The following F11R variants were observed in gnomAD, a reference collection of about 807,000 sequenced individuals.
F11R encodes F11 receptor.
A neutral mutation model predicts 39.3 loss-of-function variants in F11R; 27 were observed. The ratio of observed to expected loss-of-function variants is 0.69; its 90% confidence interval spans 0.51 to 0.95. The LOEUF (loss-of-function observed/expected upper bound fraction) is 0.95, where lower values mean the gene tolerates loss of function less well. F11R is among the 40% of genes least tolerant of loss of function. The pLI is 0.00. For missense variants in F11R, 335 were observed against 372.7 expected, an observed-to-expected ratio of 0.90 and a Z score of 0.83; for synonymous variants, 131 against 144.9, an observed-to-expected ratio of 0.90 and a Z score of 0.69.
In F11R at chr1:160,995,479, T is replaced by A. The variant is rs570396543; in HGVS notation, c.*3392A>T. On this transcript the variant is annotated 3_prime_UTR_variant, in exon 10 of 10. Coordinates refer to ENST00000368026, the MANE Select transcript of F11R (RefSeq NM_016946.6). The stretch of plus-strand genomic sequence containing the variant: ...GAACATGGGAGGTGATGTGGCCGGG[T>A]GCAGTGACTCACGCCTGTAATCCCA... The A allele has an allele frequency of 6.6e-6, 1 of 152,186 alleles. No homozygotes were observed. Among genetic ancestry groups the A allele is most frequent in the East Asian group, 1.9e-4 (1 of 5,214 alleles). 9.4% of individuals were successfully genotyped at this position (152,186 alleles called of 1,614,324 possible).
At chr1:161,000,418 A>G (rs1648413294) in intron 4 of F11R, 70 bp from the exon 5 acceptor site, 2 of 1,515,950 alleles carry the variant, frequency 1.3e-6, no homozygotes, top group Non-Finnish European at 1.8e-6. Flanking sequence ...AACCAACTAC[A>G]ATGGTACCCC....
In F11R at chr1:161,015,397, CA is replaced by C. The variant is rs72369371; in HGVS notation, c.64+5612del. ...TGGGTGACAGAGCCAGACTCCATCT[CA>C]AAAAAAAAAATATATATATATATAT... On this transcript the variant is annotated intron_variant, in intron 1 of 9. Transcript: ENST00000368026. Among the ~76,000 whole-genome samples the C allele has an allele frequency of 4.8e-3, 550 of 113,590 alleles. 3 individuals are homozygous for C. The highest frequency in any genetic ancestry group is 0.018 in the African/African-American group (521 of 29,196). 74.5% of individuals were successfully genotyped at this position (113,590 alleles called of 152,430 possible).
chr1:161,003,599 C>CA (rs985304212), intron 1 of F11R, among the ~76,000 whole-genome samples: 1 of 151,352 alleles, frequency 6.6e-6, no homozygotes, highest in Non-Finnish European at 1.5e-5. Context: ...TTTGTTGAGA[C>CA]AGAGTCTCAC....
At chr1:161,014,913 CA>C (rs374593671) in intron 1 of F11R, among the ~76,000 whole-genome samples, 55 of 134,682 alleles carry the variant, frequency 4.1e-4, no homozygotes, top group Non-Finnish European at 4.5e-4. Context: ...ACTAAAAATA[CA>C]AAAAAAAAAA....
chr1:160,999,174 GAGAATGCTACAGAAGCAC>G, intron 8 of F11R, 83 bp from the exon 9 acceptor site: 5 of 1,585,750 alleles, frequency 3.2e-6, no homozygotes, highest in Non-Finnish European at 4.3e-6. Flanking sequence ...GGCCAGAAGC[GAGAATGCTACAGAAGCAC>G]AGAGTGCGCA....
chr1:160,995,858 T>TA lies in F11R; in HGVS notation c.*3012dup, dbSNP rs1380239601. 4 of 150,752 alleles carry TA rather than the reference T, an allele frequency of 2.7e-5. No homozygotes were observed. The highest frequency in any genetic ancestry group is 4.4e-5 in the Non-Finnish European group (3 of 67,778). 9.3% of individuals were successfully genotyped at this position (150,752 alleles called of 1,614,324 possible). On this transcript the variant is annotated 3_prime_UTR_variant, in exon 10 of 10. Coordinates refer to ENST00000368026, the MANE Select transcript of F11R (RefSeq NM_016946.6). ...ACCATGTTGTATACTTTGAAGAAAA[T>TA]AAAAAAACGACAGGAACAACAAACA...
chr1:161,009,940 T>C (rs2247824), intron 1 of F11R, among the ~76,000 whole-genome samples: 4,153 of 150,884 alleles, frequency 0.028, 183 homozygotes, highest in African/African-American at 0.094. Context: ...AGACTCTGTC[T>C]CAAAAAAAAA....
intron 1 of F11R, among the ~76,000 whole-genome samples, chr1:161,013,595 C>T (rs1226874189): frequency 6.6e-6 from 1 of 152,130 alleles, no homozygotes; most frequent in Non-Finnish European, 1.5e-5. Context: ...AGGGCCTTTC[C>T]GGGGTTTGGG....
intron 1 of F11R, among the ~76,000 whole-genome samples, chr1:161,018,903 C>A (rs766380073): frequency 8.5e-5 from 13 of 152,156 alleles, no homozygotes; most frequent in Non-Finnish European, 1.6e-4. Flanking sequence ...CCTGAAGACA[C>A]CTCCAAGCTC....
chr1:160,998,619 C>T lies in F11R; in HGVS notation c.*252G>A. The T allele has an allele frequency of 1.7e-6, 1 of 587,208 alleles. No homozygotes were observed. The highest frequency in any genetic ancestry group is 2.2e-5 in the South Asian group (1 of 46,372). 36.4% of individuals were successfully genotyped at this position (587,208 alleles called of 1,614,324 possible). ...GCATACCCAGGATTCCTTCCTGATC[C>T]CTCAAAGAAATGGGGAATAAACACT... On this transcript the variant is annotated 3_prime_UTR_variant, in exon 10 of 10. Coordinates refer to ENST00000368026, the MANE Select transcript of F11R (RefSeq NM_016946.6).
Position 161,000,195 on chromosome 1 carries a change from C to A in F11R, c.542G>T (p.Arg181Leu). 2 of 1,614,086 alleles carry A rather than the reference C, an allele frequency of 1.2e-6. No homozygotes were observed. Among genetic ancestry groups the A allele is most frequent in the Non-Finnish European group, 1.7e-6 (2 of 1,180,022 alleles). ...IVMPTNPKST[R>L]AFSNSSYVLN... is the part of the protein sequence containing the mutation. The stretch of plus-strand genomic sequence containing the variant: ...GACATAGGAAGAGTTGCTGAAGGCA[C>A]GGGTGCTTTTGGGATTCGTAGGCAT... Residue 181 changes from arginine (R) to leucine (L), a missense_variant, in exon 5 of 10, where the codon CGT (arginine) becomes CTT (leucine). Physicochemically the swap from Arg to Leu is moderately radical, Grantham distance 102. Coordinates refer to ENST00000368026, the MANE Select transcript of F11R (RefSeq NM_016946.6).
At chr1:161,011,729 C>CAAAAAAAAAAAAA (rs200362096) in intron 1 of F11R, among the ~76,000 whole-genome samples, 1 of 116,330 alleles carries the variant, frequency 8.6e-6, no homozygotes. Flanking sequence ...GATTCCACCT[C>CAAAAAAAAAAAAA]AAAAAAAAAA....
At chr1:161,001,403 C>A (rs779411783) in intron 1 of F11R, 50 bp from the exon 2 acceptor site, 7 of 1,540,896 alleles carry the variant, frequency 4.5e-6, no homozygotes, top group Non-Finnish European at 5.4e-6. Flanking sequence ...CAGAGAAATG[C>A]CAGGAAGAAG....
chr1:160,999,701 C>T lies in F11R; in HGVS notation c.741G>A (p.Leu247=). 1.2e-6 allele frequency: 2 copies of T among 1,614,176 alleles called. No homozygotes were observed. Among genetic ancestry groups the T allele is most frequent in the Non-Finnish European group, 1.7e-6 (2 of 1,180,034 alleles). Residue 247 remains leucine (L), a synonymous_variant, in exon 7 of 10, where the codon CTG becomes CTA. Transcript: ENST00000368026. The part of the protein sequence containing the change: ...GVIVAAVLVT[L]ILLGILVFGI... ...CAAAAACCAAGATTCCCAGGAGAAT[C>T]AGGGTTACAAGGACGGCTGCCACGA...
intron 1 of F11R, among the ~76,000 whole-genome samples, chr1:161,009,458 C>T (rs1421708170): frequency 7.2e-6 from 1 of 139,154 alleles, no homozygotes; most frequent in South Asian, 2.3e-4. Context: ...CCATCTGTAC[C>T]AAAAAAAAAA....
rs1648258125 is a variant in F11R at position 160,998,502 on chromosome 1, A to T, written c.*369T>A. On this transcript the variant is annotated 3_prime_UTR_variant, in exon 10 of 10. Coordinates refer to ENST00000368026, the MANE Select transcript of F11R (RefSeq NM_016946.6). ...GCCCAGAACCAAGCTCAAGATACCT[A>T]TTCAAAGATCCCTGCCAGCCAGGTG... is the stretch of plus-strand genomic sequence containing the variant. 1 of 407,956 alleles carries T rather than the reference A, an allele frequency of 2.5e-6. No homozygotes were observed. The highest frequency in any genetic ancestry group is 4.9e-5 in the East Asian group (1 of 20,392). The allele number at this position is 407,956 out of a possible 1,614,324, so 25.3% of individuals were successfully genotyped here. A position where few individuals can be genotyped will look rare whatever the true frequency, so the allele number is the denominator to read the frequency against.
intron 1 of F11R, among the ~76,000 whole-genome samples, chr1:161,011,496 C>A (rs1649157528): frequency 6.6e-6 from 1 of 152,172 alleles, no homozygotes; most frequent in Non-Finnish European, 1.5e-5. Flanking sequence ...AATCTCAACA[C>A]TGAGAGGCCG....
At chr1:161,007,406 A>G (rs1037549583) in intron 1 of F11R, among the ~76,000 whole-genome samples, 6 of 152,136 alleles carry the variant, frequency 3.9e-5, no homozygotes, top group African/African-American at 1.2e-4. Context: ...CAGAGGTTGC[A>G]GTGAGCCAAG....
chr1:161,015,710 T>C (rs943230138), intron 1 of F11R, among the ~76,000 whole-genome samples: 3 of 151,588 alleles, frequency 2.0e-5, no homozygotes, highest in Non-Finnish European at 2.9e-5. Context: ...ATGATATATA[T>C]ATATAAGCAA....
Sources: allele counts gnomAD v4.1 joint callset (sites outside exome capture counted in the v4.1 genomes callset), GRCh38; gene constraint gnomAD v4.1.1; transcripts MANE v1.5; gene names NCBI Gene and HGNC (gene_info 2026-07-23, HGNC 2026-07-21).